The following NCAM2 variants were observed in gnomAD, a reference collection of about 807,000 sequenced individuals.
The protein encoded by NCAM2 is N-CAM-2.
A neutral mutation model predicts 98.1 loss-of-function variants in NCAM2; 30 were observed. The observed-to-expected ratio is 0.31, with a 90% CI of 0.23 to 0.41. The LOEUF (loss-of-function observed/expected upper bound fraction) is 0.41. Ranked by LOEUF, NCAM2 falls within the 10% of genes least tolerant of loss-of-function variation. The pLI is 1.00. For missense variants in NCAM2, 867 were observed against 1,005.8 expected (o/e 0.86, Z 1.87); for synonymous variants, 368 against 342.4 (o/e 1.07, Z -0.83).
At chr21:21,377,033 T>A (rs1022127169) in intron 9 of NCAM2, among the ~76,000 whole-genome samples, 1 of 151,790 alleles carries the variant, frequency 6.6e-6, no homozygotes. Flanking sequence ...GCATTGATTA[T>A]TTTTCTGCAA....
chr21:21,366,172 TACGTAAAAACATACTAAAGG>T (rs2075780099), intron 8 of NCAM2, among the ~76,000 whole-genome samples: 1 of 152,066 alleles, frequency 6.6e-6, no homozygotes, highest in Non-Finnish European at 1.5e-5. Flanking sequence ...TTGGGAGATT[TACGTAAAAACATACTAAAGG>T]ACAAGCGCAA....
chr21:21,324,642 G>T, intron 6 of NCAM2, 142 bp downstream of exon 6: 1 of 627,196 alleles, frequency 1.6e-6, no homozygotes. Context: ...TATCTTTGGG[G>T]CTTACGGTGG....
intron 1 of NCAM2, among the ~76,000 whole-genome samples, chr21:21,261,486 A>G (rs1414800279): frequency 6.6e-6 from 1 of 152,148 alleles, no homozygotes; most frequent in Non-Finnish European, 1.5e-5. Context: ...GATAAAAATT[A>G]TGCCAAATAT....
At chr21:21,365,412 T>A (rs2075761135) in intron 8 of NCAM2, among the ~76,000 whole-genome samples, 1 of 151,840 alleles carries the variant, frequency 6.6e-6, no homozygotes, top group Non-Finnish European at 1.5e-5. Context: ...AGGAATAAAA[T>A]TGTTTTCAAG....
At chr21:21,431,994 A>T in intron 11 of NCAM2, 114 bp from the exon 12 acceptor site, 1 of 821,108 alleles carries the variant, frequency 1.2e-6, no homozygotes, top group Non-Finnish European at 1.8e-6. Flanking sequence ...CGAACATATT[A>T]AGTGATACAG....
intron 1 of NCAM2, among the ~76,000 whole-genome samples, chr21:21,193,273 C>CT (rs1041615814): frequency 6.6e-6 from 1 of 151,536 alleles, no homozygotes; most frequent in Non-Finnish European, 1.5e-5. Flanking sequence ...AGATTATTAT[C>CT]TTTTTTAATA....
At chr21:21,030,311 G>A (rs1055639866) in intron 1 of NCAM2, among the ~76,000 whole-genome samples, 5 of 152,146 alleles carry the variant, frequency 3.3e-5, no homozygotes, top group Non-Finnish European at 5.9e-5. Flanking sequence ...TGATTTCAAA[G>A]GGCAGGTCCT....
chr21:21,283,173 A>G (rs1033912074), intron 2 of NCAM2, among the ~76,000 whole-genome samples: 1 of 151,950 alleles, frequency 6.6e-6, no homozygotes, highest in African/African-American at 2.4e-5. Flanking sequence ...ACTTTCTTTC[A>G]TACTTTTACT....
At chr21:21,138,574 C>CT (rs965827306) in intron 1 of NCAM2, among the ~76,000 whole-genome samples, 32 of 152,164 alleles carry the variant, frequency 2.1e-4, no homozygotes, top group Admixed American at 1.1e-3. Context: ...AGGGATGCAT[C>CT]TTTTTTTAAC....
At chr21:21,023,787 G>C (rs1055070334) in intron 1 of NCAM2, among the ~76,000 whole-genome samples, 2 of 151,960 alleles carry the variant, frequency 1.3e-5, no homozygotes, top group Non-Finnish European at 1.5e-5. Context: ...AAAGAAAGGA[G>C]CATTATTGTT....
intron 11 of NCAM2, among the ~76,000 whole-genome samples, chr21:21,430,092 G>C (rs1011401512): frequency 1.3e-5 from 2 of 151,906 alleles, no homozygotes; most frequent in African/African-American, 4.8e-5. Flanking sequence ...GCAGGGACAT[G>C]ATCTCAACTC....
chr21:21,059,772 C>T (rs1315267388), intron 1 of NCAM2, among the ~76,000 whole-genome samples: 1 of 152,024 alleles, frequency 6.6e-6, no homozygotes, highest in Non-Finnish European at 1.5e-5. Context: ...TTGGTTGCCA[C>T]ACTGCACATG....
intron 1 of NCAM2, among the ~76,000 whole-genome samples, chr21:21,049,735 G>C (rs879939766): frequency 1.1e-4 from 17 of 152,100 alleles, no homozygotes; most frequent in East Asian, 3.9e-4. Flanking sequence ...GCCAGTCATG[G>C]TGATGCATGC....
At chr21:21,449,797 C>T (rs2146121549) in intron 12 of NCAM2, among the ~76,000 whole-genome samples, 1 of 152,120 alleles carries the variant, frequency 6.6e-6, no homozygotes. Flanking sequence ...TAGTACCATC[C>T]TATATGGAGT....
At chr21:21,251,562 G>A (rs1411670491) in intron 1 of NCAM2, among the ~76,000 whole-genome samples, 2 of 151,988 alleles carry the variant, frequency 1.3e-5, no homozygotes, top group Admixed American at 1.3e-4. Flanking sequence ...TCATTGATGC[G>A]CATTTGAGTT....
At chr21:21,310,245 G>A (rs367797043) in intron 5 of NCAM2, among the ~76,000 whole-genome samples, 1 of 152,212 alleles carries the variant, frequency 6.6e-6, no homozygotes, top group African/African-American at 2.4e-5. Context: ...AGGTTTGCCA[G>A]TGAATTTTTA....
intron 1 of NCAM2, among the ~76,000 whole-genome samples, chr21:21,150,242 T>C (rs2067408494): frequency 6.6e-6 from 1 of 152,180 alleles, no homozygotes; most frequent in South Asian, 2.1e-4. Flanking sequence ...ATTTACTTAT[T>C]CTTATAGTTT....
In NCAM2 at chr21:21,490,746, T is replaced by C. The variant is rs1986781634; in HGVS notation, c.2077+13275T>C. On this transcript the variant is annotated intron_variant, in intron 15 of 17. Coordinates refer to ENST00000400546, the MANE Select transcript of NCAM2 (RefSeq NM_004540.5). ...ATTGATGTCATGTATAACGCTTCTG[T>C]TTTAAAGTACTTCTGATCATTTAAT... is the stretch of plus-strand genomic sequence containing the variant. Among the ~76,000 whole-genome samples the C allele has an allele frequency of 2.6e-5, 4 of 151,722 alleles. No individual in the cohort carries two copies. The South Asian group carries it at 8.3e-4, about 31-fold the overall frequency.
At chr21:21,506,196 T>A (rs888527610) in intron 15 of NCAM2, among the ~76,000 whole-genome samples, 2 of 152,194 alleles carry the variant, frequency 1.3e-5, no homozygotes, top group Non-Finnish European at 2.9e-5. Context: ...AGGATCATCA[T>A]GTGAATGTAT....
Sources: allele counts gnomAD v4.1 joint callset (sites outside exome capture counted in the v4.1 genomes callset), GRCh38; gene constraint gnomAD v4.1.1; transcripts MANE v1.5; gene names NCBI Gene and HGNC (gene_info 2026-07-23, HGNC 2026-07-21).